Variants in RIMS1 observed in about 807,000 individuals in gnomAD.
The protein encoded by RIMS1 is regulating synaptic membrane exocytosis protein 1.
RIMS1 carries 83 observed loss-of-function variants against 214.1 expected under a neutral mutation model. The observed-to-expected ratio is 0.39, with a 90% CI of 0.32 to 0.47. The LOEUF is 0.47. RIMS1 is among the 20% of genes least tolerant of loss of function. The pLI is 0.99. For synonymous variants in RIMS1, 793 were observed against 786.8 expected (o/e 1.01, Z -0.13); for missense variants, 2,050 against 2,161.8 (o/e 0.95, Z 1.03).
intron 29 of RIMS1, among the ~76,000 whole-genome samples, chr6:72,339,011 G>T (rs892579196): frequency 6.6e-6 from 1 of 151,852 alleles, no homozygotes; most frequent in Non-Finnish European, 1.5e-5. Context: ...ATGAAGGGAT[G>T]AATGGCATAC....
intron 23 of RIMS1, among the ~76,000 whole-genome samples, chr6:72,282,106 C>T (rs2090404716): frequency 6.6e-6 from 1 of 152,190 alleles, no homozygotes; most frequent in South Asian, 2.1e-4. Flanking sequence ...TCTCCACTCT[C>T]ATCTGCTCTA....
intron 29 of RIMS1, among the ~76,000 whole-genome samples, chr6:72,363,785 G>A (rs956092371): frequency 8.5e-5 from 13 of 152,162 alleles, no homozygotes; most frequent in Admixed American, 2.0e-4. Context: ...CTAAATACAG[G>A]CATTTCAGGC....
chr6:72,292,139 T>C, intron 26 of RIMS1, 93 bp downstream of exon 26: 1 of 782,626 alleles, frequency 1.3e-6, no homozygotes, highest in East Asian at 2.7e-5. Flanking sequence ...GTATTTTGAT[T>C]ATATGTAGTT....
chr6:72,196,387 C>T (rs1359836891), intron 6 of RIMS1, among the ~76,000 whole-genome samples: 1 of 149,826 alleles, frequency 6.7e-6, no homozygotes, highest in South Asian at 2.1e-4. Context: ...GTCTATCTAT[C>T]TATCTATCTA....
At chr6:72,212,861 A>G in intron 6 of RIMS1, 4 of 1,143,500 alleles carry the variant, frequency 3.5e-6, no homozygotes, top group Non-Finnish European at 4.3e-6. Flanking sequence ...GCTTGTCTAC[A>G]GTATTTTATC....
At chr6:72,127,112 T>G (rs998883971) in intron 4 of RIMS1, among the ~76,000 whole-genome samples, 8 of 152,190 alleles carry the variant, frequency 5.3e-5, no homozygotes, top group African/African-American at 1.9e-4. Context: ...CCAATGAATA[T>G]TTCCCCATCA....
chr6:72,386,656 C>T (rs977748811), intron 29 of RIMS1, among the ~76,000 whole-genome samples: 2 of 152,008 alleles, frequency 1.3e-5, no homozygotes, highest in Admixed American at 1.3e-4. Context: ...CGCTCTACCT[C>T]ATCACTCTCT....
At chr6:72,098,807 T>TA (rs1357096692) in intron 3 of RIMS1, among the ~76,000 whole-genome samples, 11 of 152,352 alleles carry the variant, frequency 7.2e-5, no homozygotes, top group Non-Finnish European at 1.5e-4. Flanking sequence ...TATGACTCCA[T>TA]AAGTTTTCTT....
chr6:71,887,088 T>G lies in RIMS1; in HGVS notation c.65T>G (p.Leu22Arg). The G allele has an allele frequency of 6.2e-7, 1 of 1,613,656 alleles. No individual in the cohort carries two copies. ...ACGGTGCCTCCCCCCATGCAAGAGC[T>G]GCCCGACCTGAGCCACCTGACCGAA... ...PPTVPPPMQE[L>R]PDLSHLTEEE... The change falls in exon 1 of 34, where the codon CTG becomes CGG. Residue 22 changes from leucine to arginine, a missense_variant. Coordinates refer to ENST00000521978, the MANE Select transcript of RIMS1 (RefSeq NM_014989.7).
rs549652513 is a variant in RIMS1, at chr6:72,205,462, A to G, written c.1678+22313A>G. On this transcript the variant is annotated intron_variant, in intron 6 of 33. Coordinates refer to ENST00000521978, the MANE Select transcript of RIMS1 (RefSeq NM_014989.7). ...TCTTTGGGAAACCATGAGTTAGGTT[A>G]GAAATTAGGGACTTTGGGGAAACTG... 2.2e-3 allele frequency among the ~76,000 whole-genome samples: 339 copies of G among 152,304 alleles called. 1 individual carries two copies. Among genetic ancestry groups the G allele is most frequent in the Non-Finnish European group, 4.2e-3 (283 of 68,010 alleles).
chr6:72,127,839 T>A (rs1169420905), intron 4 of RIMS1, among the ~76,000 whole-genome samples: 1 of 152,236 alleles, frequency 6.6e-6, no homozygotes, highest in African/African-American at 2.4e-5. Flanking sequence ...CTGCTGAGAT[T>A]GCAGAGACAG....
At chr6:72,384,054 ATCAGAGACTGCTTTGGCC>A (rs2098543411) in intron 29 of RIMS1, among the ~76,000 whole-genome samples, 1 of 152,166 alleles carries the variant, frequency 6.6e-6, no homozygotes, top group South Asian at 2.1e-4. Flanking sequence ...ATCCAGTTCC[ATCAGAGACTGCTTTGGCC>A]TCAGAGACTG....
intron 4 of RIMS1, among the ~76,000 whole-genome samples, chr6:72,166,236 TGAGA>T (rs567933630): frequency 6.8e-6 from 1 of 147,584 alleles, no homozygotes; most frequent in Admixed American, 6.8e-5. Context: ...ACATACACAG[TGAGA>T]GAGAGAGAGA....
In RIMS1 at chr6:71,886,996, G is replaced by C. The variant is rs373318853; in HGVS notation, c.-28G>C. 3.8e-4 allele frequency: 604 copies of C among 1,607,974 alleles called. 1 individual carries two copies. The African/African-American group carries it at 7.2e-3, about 19-fold the overall frequency. ...ATCCGAAAGGTGAGAGCCAGAGAGC[G>C]AGCAGAGGGGGCGGGCAGGCCACGA... On this transcript the variant is annotated 5_prime_UTR_variant, in exon 1 of 34. Coordinates refer to ENST00000521978, the MANE Select transcript of RIMS1 (RefSeq NM_014989.7).
At chr6:72,348,899 C>A (rs1196792708) in intron 29 of RIMS1, among the ~76,000 whole-genome samples, 1 of 151,702 alleles carries the variant, frequency 6.6e-6, no homozygotes, top group Non-Finnish European at 1.5e-5. Flanking sequence ...TTACAACATC[C>A]TTTTATATCA....
chr6:71,908,817 A>G (rs990781157), intron 1 of RIMS1, among the ~76,000 whole-genome samples: 2 of 152,054 alleles, frequency 1.3e-5, no homozygotes, highest in African/African-American at 4.8e-5. Context: ...ACCACCATAT[A>G]TTTTTGTTTA....
chr6:72,390,829 T>C, intron 30 of RIMS1, 93 bp downstream of exon 30: 3 of 1,442,624 alleles, frequency 2.1e-6, no homozygotes, highest in Non-Finnish European at 2.8e-6. Context: ...ACTGTGCAGC[T>C]TCTCTATTTA....
At chr6:72,026,223 T>G (rs1036561053) in intron 2 of RIMS1, among the ~76,000 whole-genome samples, 2 of 152,186 alleles carry the variant, frequency 1.3e-5, no homozygotes, top group African/African-American at 4.8e-5. Flanking sequence ...TTGTTCAGCA[T>G]AGAGAGGCAG....
intron 2 of RIMS1, among the ~76,000 whole-genome samples, chr6:72,001,383 C>G (rs918955851): frequency 2.0e-5 from 3 of 152,130 alleles, no homozygotes; most frequent in Admixed American, 6.6e-5. Context: ...CACATATAAT[C>G]TCATCCTCAT....
Sources: gnomAD v4.1 joint callset for allele counts (sites outside exome capture counted in the v4.1 genomes callset) on GRCh38, gnomAD v4.1.1 for gene constraint, MANE v1.5 for transcripts, NCBI Gene and HGNC (gene_info 2026-07-23, HGNC 2026-07-21) for gene names.